Variants in SUCO observed in about 807,000 individuals in gnomAD.
SUCO encodes the protein SUN domain containing ossification factor, also known as SUN domain-containing ossification factor.
In SUCO, 57 loss-of-function variants were observed where a neutral mutation model predicts 148.1. That is an observed-to-expected ratio of 0.38 (90% CI 0.31 to 0.48). The LOEUF is 0.48. Among genes scored for constraint, SUCO ranks in the 20% least tolerant of loss-of-function variants. SUCO has a pLI of 0.96. For synonymous variants in SUCO, 470 were observed against 502.7 expected (o/e 0.93, Z 0.87); for missense variants, 1,331 against 1,468.2 (o/e 0.91, Z 1.53).
rs751857637 is a variant in SUCO at position 172,577,595 on chromosome 1, G to A, written c.1284+36G>A. 1.9e-6 allele frequency: 3 copies of A among 1,607,552 alleles called. No individual in the cohort carries two copies. The East Asian group carries it at 6.7e-5, about 36-fold the overall frequency. On this transcript the variant is annotated intron_variant, in intron 12 of 23. Transcript: ENST00000263688. ...TTCTCTTTTGCACTATTAAATAACA[G>A]GGCATGGCGTATTAATGCATTACAA...
Position 172,589,674 on chromosome 1 carries a change from ATTC to A in SUCO, c.2580_2582del (p.Ser861del), listed in dbSNP as rs1306460525. On this transcript the variant is annotated inframe_deletion, in exon 18 of 24. Coordinates refer to ENST00000263688, the MANE Select transcript of SUCO (RefSeq NM_014283.5). The stretch of plus-strand genomic sequence containing the variant: ...AAGCAAACTTTGATTTCTGTTGTGG[ATTC>A]TTCTTCATTACCTGAAGTAAAAGAA... 1 of 1,613,868 alleles carries A rather than the reference ATTC, an allele frequency of 6.2e-7. No homozygotes were observed.
chr1:172,594,670 T>G (rs912270183), intron 19 of SUCO, among the ~76,000 whole-genome samples: 1 of 152,230 alleles, frequency 6.6e-6, no homozygotes, highest in Non-Finnish European at 1.5e-5. Flanking sequence ...TCTGTTCTTT[T>G]ACATTTGCTG....
chr1:172,603,641 A>AT (rs1657674804), intron 22 of SUCO, among the ~76,000 whole-genome samples: 2 of 151,946 alleles, frequency 1.3e-5, no homozygotes, highest in South Asian at 4.2e-4. Context: ...GAAATTTTTA[A>AT]TTTAAGTATA....
chr1:172,610,216 C>A lies in SUCO; in HGVS notation c.3722C>A (p.Thr1241Asn), dbSNP rs1267743425. 1.2e-6 allele frequency: 2 copies of A among 1,608,410 alleles called. No homozygotes were observed. The highest frequency in any genetic ancestry group is 1.7e-6 in the Non-Finnish European group (2 of 1,178,246). Residue 1241 changes from threonine (T) to asparagine (N), a missense_variant, in exon 24 of 24, where the codon ACC (threonine) becomes AAC (asparagine). Coordinates refer to ENST00000263688, the MANE Select transcript of SUCO (RefSeq NM_014283.5). ...HDIIKGNKEITVGTFGVTAVS... is the reference protein window; with the variant it reads ...HDIIKGNKEINVGTFGVTAVS... ...ATAATCAAAGGAAACAAAGAGATCA[C>A]CGTGGGAACATTTGGTGTTACAGCA... is the stretch of plus-strand genomic sequence containing the variant.
At chr1:172,567,225 T>C (rs1352535267) in intron 6 of SUCO, among the ~76,000 whole-genome samples, 2 of 152,388 alleles carry the variant, frequency 1.3e-5, no homozygotes, top group East Asian at 1.9e-4. Flanking sequence ...ATGAGACTTA[T>C]ATTGTTTACC....
chr1:172,587,895 A>T (rs1571262065), intron 17 of SUCO, among the ~76,000 whole-genome samples: 1 of 152,132 alleles, frequency 6.6e-6, no homozygotes, highest in Non-Finnish European at 1.5e-5. Context: ...CTTGGAAGGA[A>T]TCACAAGCAT....
intron 1 of SUCO, among the ~76,000 whole-genome samples, chr1:172,537,225 A>G (rs1652091269): frequency 6.6e-6 from 1 of 152,160 alleles, no homozygotes; most frequent in Non-Finnish European, 1.5e-5. Context: ...GTGCCAATAT[A>G]GTAATAGTAT....
intron 19 of SUCO, among the ~76,000 whole-genome samples, chr1:172,595,697 G>T (rs1370675187): frequency 6.6e-6 from 1 of 152,130 alleles, no homozygotes; most frequent in Non-Finnish European, 1.5e-5. Context: ...TTTCTCTCTG[G>T]CTGCCCTTAA....
chr1:172,565,207 C>T (rs1054878810), intron 6 of SUCO, among the ~76,000 whole-genome samples: 1 of 152,128 alleles, frequency 6.6e-6, no homozygotes, highest in Non-Finnish European at 1.5e-5. Context: ...GGAGAACCTA[C>T]CTGGTAGTGG....
At chr1:172,571,213 C>A (rs542213299) in intron 9 of SUCO, among the ~76,000 whole-genome samples, 2 of 152,362 alleles carry the variant, frequency 1.3e-5, no homozygotes, top group African/African-American at 4.8e-5. Flanking sequence ...CGCGCGCCAC[C>A]ACGCCTGACT....
At chr1:172,573,675 T>C (rs1402132601) in intron 9 of SUCO, among the ~76,000 whole-genome samples, 1 of 152,108 alleles carries the variant, frequency 6.6e-6, no homozygotes, top group Non-Finnish European at 1.5e-5. Flanking sequence ...AAAATCAATA[T>C]TGTTTTATTT....
chr1:172,556,644 A>T (rs1468903499), intron 4 of SUCO: 7 of 984,882 alleles, frequency 7.1e-6, no homozygotes, highest in Non-Finnish European at 6.0e-6. Context: ...CAAGAATGTA[A>T]GGGCCTGGGT....
intron 23 of SUCO, 156 bp from the exon 24 acceptor site, chr1:172,609,660 T>C (rs1219879171): frequency 1.0e-6 from 1 of 984,524 alleles, no homozygotes; most frequent in Non-Finnish European, 1.2e-6. Flanking sequence ...CTAGTATCTA[T>C]ATAGAACATA....
chr1:172,586,749 G>A lies in SUCO; in HGVS notation c.1658+801G>A, dbSNP rs559308548. Among the ~76,000 whole-genome samples the A allele has an allele frequency of 5.3e-5, 8 of 152,198 alleles. No homozygotes were observed. The South Asian group carries it at 1.7e-3, about 32-fold the overall frequency. On this transcript the variant is annotated intron_variant, in intron 17 of 23. Transcript: ENST00000263688. ...TAGTATGTAATGAGACCTGCAGTGG[G>A]TATGCTTTGAACTGCAATTCCTGAG...
chr1:172,611,619 A>G lies in SUCO; in HGVS notation c.*1360A>G, dbSNP rs1483384820. On this transcript the variant is annotated 3_prime_UTR_variant, in exon 24 of 24. Coordinates refer to ENST00000263688, the MANE Select transcript of SUCO (RefSeq NM_014283.5). ...TAACAGCGTGTTTTAGAAGATTTAA[A>G]TTTCTTTCCTGTCTGCACAATTAGC... 1 of 152,568 alleles carries G rather than the reference A, an allele frequency of 6.6e-6. No individual in the cohort carries two copies. Among genetic ancestry groups the G allele is most frequent in the Non-Finnish European group, 1.5e-5 (1 of 68,022 alleles). 9.5% of individuals were successfully genotyped at this position (152,568 alleles called of 1,614,324 possible).
chr1:172,533,066 G>C (rs1651712265), upstream of SUCO: 1 of 1,429,408 alleles, frequency 7.0e-7, no homozygotes, highest in Non-Finnish European at 9.1e-7. Context: ...CGGCCCCGCC[G>C]GCGATTGGCT....
rs557769974 is a variant in SUCO at position 172,573,204 on chromosome 1, T to C, written c.1050-687T>C. The stretch of plus-strand genomic sequence containing the variant: ...TCCCAAAAGTTTCATCATACCTCTT[T>C]GTAATTTCTCTCAAACTCTCTTCCC... On this transcript the variant is annotated intron_variant, in intron 9 of 23. Coordinates refer to ENST00000263688, the MANE Select transcript of SUCO (RefSeq NM_014283.5). 3.3e-5 allele frequency among the ~76,000 whole-genome samples: 5 copies of C among 152,310 alleles called. No homozygotes were observed. In the East Asian group the frequency reaches 9.6e-4, roughly 29 times the overall value.
rs556852785 is a variant in SUCO, at chr1:172,610,862, T to C, written c.*603T>C. On this transcript the variant is annotated 3_prime_UTR_variant, in exon 24 of 24. Coordinates refer to ENST00000263688, the MANE Select transcript of SUCO (RefSeq NM_014283.5). ...ACACTTAATGGAATTTTTAAGTCTG[T>C]TCTGTTAGGTAGATGGTGATGCTCT... 6.5e-6 allele frequency: 1 copy of C among 152,762 alleles called. No individual in the cohort carries two copies. Among genetic ancestry groups the C allele is most frequent in the South Asian group, 2.1e-4 (1 of 4,832 alleles). 9.5% of individuals were successfully genotyped at this position (152,762 alleles called of 1,614,324 possible).
chr1:172,581,961 T>C (rs1419794804), intron 15 of SUCO, among the ~76,000 whole-genome samples: 1 of 152,212 alleles, frequency 6.6e-6, no homozygotes, highest in African/African-American at 2.4e-5. Flanking sequence ...ATTCTTGGCT[T>C]TGTGTGTATG....
Sources: allele counts gnomAD v4.1 joint callset (sites outside exome capture counted in the v4.1 genomes callset), GRCh38; gene constraint gnomAD v4.1.1; transcripts MANE v1.5; gene names NCBI Gene and HGNC (gene_info 2026-07-23, HGNC 2026-07-21).